The following ANTXR1 variants were observed in gnomAD, a reference collection of about 807,000 sequenced individuals.
The protein encoded by ANTXR1 is anthrax toxin receptor 1.
ANTXR1 carries 19 observed loss-of-function variants against 78.1 expected under a neutral mutation model. That is an observed-to-expected ratio of 0.24 (90% CI 0.17 to 0.36). The LOEUF (loss-of-function observed/expected upper bound fraction) is 0.36. Among genes scored for constraint, ANTXR1 ranks in the 10% least tolerant of loss-of-function variants. ANTXR1 has a pLI of 1.00. For missense variants in ANTXR1, 518 were observed against 718.6 expected, an observed-to-expected ratio of 0.72 and a Z score of 3.19; for synonymous variants, 273 against 260.5, an observed-to-expected ratio of 1.05 and a Z score of -0.46.
intron 17 of ANTXR1, among the ~76,000 whole-genome samples, chr2:69,243,684 C>G (rs551631556): frequency 6.6e-6 from 1 of 152,266 alleles, no homozygotes; most frequent in Non-Finnish European, 1.5e-5. Context: ...CCTCTTCATT[C>G]TCATTCAAGC....
chr2:69,189,402 G>A (rs1250299484), intron 16 of ANTXR1, among the ~76,000 whole-genome samples: 1 of 152,222 alleles, frequency 6.6e-6, no homozygotes, highest in Non-Finnish European at 1.5e-5. Flanking sequence ...AACTACAAAT[G>A]CAAAACCAGA....
chr2:69,123,780 A>T (rs1212488805), intron 11 of ANTXR1, among the ~76,000 whole-genome samples: 2 of 152,250 alleles, frequency 1.3e-5, no homozygotes, highest in Non-Finnish European at 2.9e-5. Context: ...AAAGAAATAC[A>T]TGGGAAATGA....
intron 17 of ANTXR1, among the ~76,000 whole-genome samples, chr2:69,230,467 C>A (rs1210016494): frequency 1.3e-5 from 2 of 151,944 alleles, no homozygotes; most frequent in Non-Finnish European, 2.9e-5. Context: ...TTTCATATAG[C>A]CTTAGGACAG....
At chr2:69,216,415 G>GCATATA (rs1453510924) in intron 17 of ANTXR1, among the ~76,000 whole-genome samples, 2 of 151,966 alleles carry the variant, frequency 1.3e-5, no homozygotes, top group African/African-American at 4.8e-5. Flanking sequence ...ATACACACAT[G>GCATATA]CATATACATA....
At chr2:69,048,492 A>C (rs1210086164) in intron 3 of ANTXR1, among the ~76,000 whole-genome samples, 1 of 151,944 alleles carries the variant, frequency 6.6e-6, no homozygotes, top group Non-Finnish European at 1.5e-5. Context: ...AGTACTTTTG[A>C]TTCTTTTTTA....
chr2:69,032,384 C>T (rs1419506307), intron 1 of ANTXR1, among the ~76,000 whole-genome samples: 1 of 152,042 alleles, frequency 6.6e-6, no homozygotes, highest in Admixed American at 6.5e-5. Context: ...CTACCCACCC[C>T]CCCAAAATTT....
intron 16 of ANTXR1, among the ~76,000 whole-genome samples, chr2:69,185,882 G>T (rs1674405318): frequency 6.6e-6 from 1 of 152,130 alleles, no homozygotes; most frequent in African/African-American, 2.4e-5. Flanking sequence ...TCGTTAGGAC[G>T]TGCAGAGCAT....
At chr2:69,153,899 C>A (rs1192364685) in intron 13 of ANTXR1, among the ~76,000 whole-genome samples, 1 of 152,182 alleles carries the variant, frequency 6.6e-6, no homozygotes. Context: ...TCACCTCTCT[C>A]TCAGTTTCCT....
At chr2:69,065,254 T>C (rs1361349138) in intron 3 of ANTXR1, among the ~76,000 whole-genome samples, 1 of 151,822 alleles carries the variant, frequency 6.6e-6, no homozygotes, top group Admixed American at 6.6e-5. Context: ...TGAAAGCCCA[T>C]CTCTACTAAA....
At chr2:69,080,848 T>A (rs1157991534) in intron 8 of ANTXR1, among the ~76,000 whole-genome samples, 1 of 152,138 alleles carries the variant, frequency 6.6e-6, no homozygotes, top group Non-Finnish European at 1.5e-5. Flanking sequence ...CACGGCCCAG[T>A]ACAGTGCATA....
At chr2:69,152,952 T>G (rs1033454848) in intron 13 of ANTXR1, among the ~76,000 whole-genome samples, 4 of 152,136 alleles carry the variant, frequency 2.6e-5, no homozygotes, top group Non-Finnish European at 5.9e-5. Context: ...AAATGGTAAA[T>G]GTCTGGCTGT....
At chr2:69,097,018 T>A (rs1054361854) in intron 9 of ANTXR1, among the ~76,000 whole-genome samples, 1 of 152,374 alleles carries the variant, frequency 6.6e-6, no homozygotes, top group East Asian at 1.9e-4. Flanking sequence ...ATTTCAGTAA[T>A]TCTGCTCCCA....
At chr2:69,238,924 C>G (rs1050601418) in intron 17 of ANTXR1, among the ~76,000 whole-genome samples, 1 of 152,122 alleles carries the variant, frequency 6.6e-6, no homozygotes, top group Non-Finnish European at 1.5e-5. Flanking sequence ...ACGGAGCGTG[C>G]CTGATGCCCA....
At chr2:69,166,801 T>C (rs1324711168) in intron 13 of ANTXR1, among the ~76,000 whole-genome samples, 2 of 152,228 alleles carry the variant, frequency 1.3e-5, no homozygotes, top group African/African-American at 4.8e-5. Context: ...AAGCCTGAGC[T>C]TGGAAGCTGA....
chr2:69,173,471 G>A (rs549464945), intron 14 of ANTXR1, among the ~76,000 whole-genome samples: 1 of 152,268 alleles, frequency 6.6e-6, no homozygotes, highest in South Asian at 2.1e-4. Flanking sequence ...GGTGCTCTTG[G>A]GTCACATCTG....
At chr2:69,079,841 CT>C (rs2104243189) in intron 8 of ANTXR1, among the ~76,000 whole-genome samples, 1 of 152,290 alleles carries the variant, frequency 6.6e-6, no homozygotes, top group Non-Finnish European at 1.5e-5. Flanking sequence ...GTGTGCCTAA[CT>C]CCAAGTGTTG....
intron 13 of ANTXR1, among the ~76,000 whole-genome samples, chr2:69,153,361 A>C (rs1431727727): frequency 1.3e-5 from 2 of 152,056 alleles, no homozygotes; most frequent in African/African-American, 2.4e-5. Flanking sequence ...ATGGCTTCGG[A>C]TGACATGTTA....
At chr2:69,075,792 C>T in intron 7 of ANTXR1, 134 bp downstream of exon 7, 1 of 874,360 alleles carries the variant, frequency 1.1e-6, no homozygotes, top group South Asian at 1.4e-5. Context: ...AAATGCTAAA[C>T]AGGAAGGAAT....
intron 1 of ANTXR1, among the ~76,000 whole-genome samples, chr2:69,036,751 AATTCTGG>A (rs1225985548): frequency 6.6e-6 from 1 of 152,176 alleles, no homozygotes; most frequent in Non-Finnish European, 1.5e-5. Context: ...GGGGTTGTAG[AATTCTGG>A]ATTGGCAATG....
Sources: allele counts gnomAD v4.1 joint callset (sites outside exome capture counted in the v4.1 genomes callset), GRCh38; gene constraint gnomAD v4.1.1; transcripts MANE v1.5; gene names NCBI Gene and HGNC (gene_info 2026-07-23, HGNC 2026-07-21).